DLG2: variants seen among roughly 807,000 people sequenced by gnomAD.
DLG2 encodes disks large homolog 2.
Under a neutral mutation model 132.5 loss-of-function variants are expected in DLG2, and 45 were observed. That is an observed-to-expected ratio of 0.34 (90% CI 0.27 to 0.44). DLG2 has a LOEUF of 0.44. DLG2 is among the 20% of genes least tolerant of loss of function. DLG2 has a pLI of 1.00. For synonymous variants in DLG2, 424 were observed against 419.6 expected, an observed-to-expected ratio of 1.01 and a Z score of -0.13; for missense variants, 1,045 against 1,196.9, an observed-to-expected ratio of 0.87 and a Z score of 1.87.
chr11:85,442,518 AC>A (rs1372986392), intron 3 of DLG2, among the ~76,000 whole-genome samples: 1 of 152,168 alleles, frequency 6.6e-6, no homozygotes, highest in Non-Finnish European at 1.5e-5. Context: ...TGGTGCCATT[AC>A]CAGGGATGAG....
chr11:84,654,921 CT>C (rs1437402501), intron 6 of DLG2, among the ~76,000 whole-genome samples: 2 of 152,276 alleles, frequency 1.3e-5, no homozygotes, highest in East Asian at 3.9e-4. Flanking sequence ...GACCACCTGT[CT>C]CATTAAAGAC....
intron 8 of DLG2, among the ~76,000 whole-genome samples, chr11:84,164,812 T>C (rs1249165654): frequency 6.6e-6 from 1 of 152,242 alleles, no homozygotes; most frequent in Non-Finnish European, 1.5e-5. Flanking sequence ...TTTTTGATTT[T>C]CTAATTACGT....
At chr11:85,081,894 A>G (rs2067280946) in intron 6 of DLG2, among the ~76,000 whole-genome samples, 1 of 152,174 alleles carries the variant, frequency 6.6e-6, no homozygotes, top group Non-Finnish European at 1.5e-5. Context: ...AGACCCCTGT[A>G]TCCAGGAGGA....
In DLG2 at chr11:85,133,090, C is replaced by G. The variant is rs556077073; in HGVS notation, c.283-21355G>C. ...CTTTTAGCGGATTCCTTGATTGGAA[C>G]AAGGCTCCTGTGAGTGCCCCGCACA... On this transcript the variant is annotated intron_variant, in intron 5 of 27. Coordinates refer to ENST00000376104, the MANE Select transcript of DLG2 (RefSeq NM_001142699.3). 7 of 331,086 alleles carry G rather than the reference C, an allele frequency of 2.1e-5. No homozygotes were observed. In the Admixed American group the frequency reaches 2.7e-4, roughly 13 times the overall value. The allele number at this position is 331,086 out of a possible 1,614,324, so 20.5% of individuals were successfully genotyped here.
intron 18 of DLG2, among the ~76,000 whole-genome samples, chr11:83,662,897 C>G (rs2074677906): frequency 6.6e-6 from 1 of 152,178 alleles, no homozygotes; most frequent in Non-Finnish European, 1.5e-5. Context: ...GCTACAGTAT[C>G]TTACAGTTTC....
chr11:83,815,728 C>T (rs2048704078), intron 17 of DLG2, among the ~76,000 whole-genome samples: 1 of 152,166 alleles, frequency 6.6e-6, no homozygotes, highest in Non-Finnish European at 1.5e-5. Context: ...TTTACTTCAG[C>T]TATTGCAGTT....
chr11:85,522,792 T>A (rs1371794175), intron 3 of DLG2, among the ~76,000 whole-genome samples: 1 of 152,182 alleles, frequency 6.6e-6, no homozygotes, highest in East Asian at 1.9e-4. Context: ...ATGGGTGGAT[T>A]TACCCAATGC....
chr11:85,504,386 T>C (rs1209170079), intron 3 of DLG2, among the ~76,000 whole-genome samples: 14 of 151,296 alleles, frequency 9.3e-5, no homozygotes, highest in South Asian at 2.1e-4. Flanking sequence ...AATTAATTTT[T>C]GTATAAGGTG....
At chr11:85,132,363 G>A (rs1239617611) in intron 5 of DLG2, among the ~76,000 whole-genome samples, 1 of 152,082 alleles carries the variant, frequency 6.6e-6, no homozygotes, top group African/African-American at 2.4e-5. Flanking sequence ...TTCAAACACA[G>A]AAGACATGGT....
intron 7 of DLG2, among the ~76,000 whole-genome samples, chr11:84,477,575 C>T (rs1212841383): frequency 6.6e-6 from 1 of 152,104 alleles, no homozygotes; most frequent in Non-Finnish European, 1.5e-5. Flanking sequence ...TGAGAAAGCC[C>T]TGCAAATAAC....
chr11:85,226,248 GTGGA>G (rs531246354), intron 4 of DLG2, among the ~76,000 whole-genome samples: 104 of 150,122 alleles, frequency 6.9e-4, no homozygotes, highest in African/African-American at 1.6e-3. Context: ...AGACATGTGG[GTGGA>G]TGGATGGATG....
intron 3 of DLG2, among the ~76,000 whole-genome samples, chr11:85,504,001 A>G (rs953884256): frequency 9.9e-5 from 15 of 152,112 alleles, no homozygotes; most frequent in Non-Finnish European, 2.9e-5. Flanking sequence ...TGGCTGCATA[A>G]ATGTCTTCTT....
rs1275669634 is a variant in DLG2 at position 85,120,821 on chromosome 11, G to A, written c.283-9086C>T. On this transcript the variant is annotated intron_variant, in intron 5 of 27. Transcript: ENST00000376104. ...TTTGAAACATAATTAAATGGTCTTC[G>A]AGGAGACTCTACTGCTAACTACATT... Among the ~76,000 whole-genome samples, 10 of 151,940 alleles carry A rather than the reference G, an allele frequency of 6.6e-5. No homozygotes were observed. The East Asian group carries it at 1.9e-3, about 29-fold the overall frequency.
rs147132246 is a variant in DLG2 at position 84,320,295 on chromosome 11, C to A, written c.520-69004G>T. 2.6e-5 allele frequency among the ~76,000 whole-genome samples: 4 copies of A among 152,152 alleles called. No individual in the cohort carries two copies. In the East Asian group the frequency reaches 7.7e-4, roughly 29 times the overall value. On this transcript the variant is annotated intron_variant, in intron 7 of 27. Transcript: ENST00000376104. ...CCTAGCTTGATTTAATAAAAAATAG[C>A]AAAAATGGATAAATATATTGTACTG...
At chr11:83,619,247 A>G (rs1056137000) in intron 19 of DLG2, among the ~76,000 whole-genome samples, 1 of 152,226 alleles carries the variant, frequency 6.6e-6, no homozygotes, top group African/African-American at 2.4e-5. Flanking sequence ...ACCATCTTTA[A>G]CGTCCTCATT....
At chr11:84,924,314 C>G (rs2154085706) in intron 6 of DLG2, among the ~76,000 whole-genome samples, 1 of 152,286 alleles carries the variant, frequency 6.6e-6, no homozygotes, top group Non-Finnish European at 1.5e-5. Context: ...ACAGTTTTCA[C>G]TGCAGCAAAA....
rs577502435 is a variant in DLG2, at chr11:83,983,665, T to G, written c.920-3023A>C. 4.6e-5 allele frequency among the ~76,000 whole-genome samples: 7 copies of G among 152,160 alleles called. No homozygotes were observed. In the East Asian group the frequency reaches 1.4e-3, roughly 29 times the overall value. On this transcript the variant is annotated intron_variant, in intron 11 of 27. Coordinates refer to ENST00000376104, the MANE Select transcript of DLG2 (RefSeq NM_001142699.3). ...ATTGATAGGGCAATTAAAGCAAGTG[T>G]TATCTAATTTCCTTGTGATGTGAGT... is the stretch of plus-strand genomic sequence containing the variant.
intron 19 of DLG2, among the ~76,000 whole-genome samples, chr11:83,585,407 T>C (rs2097066075): frequency 6.6e-6 from 1 of 152,174 alleles, no homozygotes; most frequent in South Asian, 2.1e-4. Flanking sequence ...TTGTGTAGCT[T>C]CTCTATAGGT....
At chr11:85,032,142 C>A (rs2444255) in intron 6 of DLG2, among the ~76,000 whole-genome samples, 1 of 151,742 alleles carries the variant, frequency 6.6e-6, no homozygotes, top group Non-Finnish European at 1.5e-5. Context: ...ATTTCTGTAA[C>A]TTCCCTCAAG....
Sources: gnomAD v4.1 joint callset for allele counts (sites outside exome capture counted in the v4.1 genomes callset) on GRCh38, gnomAD v4.1.1 for gene constraint, MANE v1.5 for transcripts, NCBI Gene and HGNC (gene_info 2026-07-23, HGNC 2026-07-21) for gene names.